The following VSNL1 variants were observed in gnomAD, a reference collection of about 807,000 sequenced individuals.
The protein encoded by VSNL1 is visinin-like protein 1.
Under a neutral mutation model 20.4 loss-of-function variants are expected in VSNL1, and 6 were observed. The ratio of observed to expected loss-of-function variants is 0.29; its 90% CI spans 0.16 to 0.58. The LOEUF (loss-of-function observed/expected upper bound fraction) is 0.58, where lower values mean the gene tolerates loss of function less well. VSNL1 is among the 20% of genes least tolerant of loss of function. VSNL1 has a pLI of 0.90. For synonymous variants in VSNL1, 93 were observed against 86.4 expected (o/e 1.08, Z -0.42); for missense variants, 100 against 234.5 (o/e 0.43, Z 3.75).
intron 1 of VSNL1, among the ~76,000 whole-genome samples, chr2:17,546,673 GT>G (rs1180280998): frequency 2.0e-5 from 3 of 151,894 alleles, no homozygotes; most frequent in Non-Finnish European, 2.9e-5. Context: ...AAAATGTCCC[GT>G]TGGAGACCCA....
chr2:17,628,863 A>G (rs1238869398), intron 2 of VSNL1, among the ~76,000 whole-genome samples: 1 of 152,230 alleles, frequency 6.6e-6, no homozygotes, highest in Non-Finnish European at 1.5e-5. Flanking sequence ...TAGTTGCTGA[A>G]GAGCACAGCT....
At chr2:17,641,550 C>A (rs1052719830) in intron 2 of VSNL1, among the ~76,000 whole-genome samples, 2 of 152,170 alleles carry the variant, frequency 1.3e-5, no homozygotes, top group African/African-American at 2.4e-5. Flanking sequence ...TAATCCCCTA[C>A]CCAAAATCAA....
At chr2:17,566,324 A>G (rs62131527) in intron 1 of VSNL1, among the ~76,000 whole-genome samples, 5,028 of 152,222 alleles carry the variant, frequency 0.033, 90 homozygotes, top group East Asian at 0.098. Flanking sequence ...ATACTGCCAA[A>G]TTGTTCTCTA....
At chr2:17,608,191 G>A (rs999781814) in intron 2 of VSNL1, among the ~76,000 whole-genome samples, 1 of 152,220 alleles carries the variant, frequency 6.6e-6, no homozygotes, top group Admixed American at 6.5e-5. Context: ...TTTTCTTTTA[G>A]AAGAAATGCA....
chr2:17,598,700 G>A (rs527694795), intron 2 of VSNL1, among the ~76,000 whole-genome samples: 2 of 152,224 alleles, frequency 1.3e-5, no homozygotes, highest in South Asian at 4.2e-4. Flanking sequence ...GATTCATTGA[G>A]GATTCTGTAG....
intron 2 of VSNL1, among the ~76,000 whole-genome samples, chr2:17,631,475 C>G (rs1257052122): frequency 1.3e-5 from 2 of 152,138 alleles, no homozygotes; most frequent in Non-Finnish European, 2.9e-5. Context: ...GTAAAGGGTG[C>G]ATCACACATT....
chr2:17,615,011 G>C (rs1665182810), intron 2 of VSNL1, among the ~76,000 whole-genome samples: 1 of 152,132 alleles, frequency 6.6e-6, no homozygotes, highest in Non-Finnish European at 1.5e-5. Context: ...ACAGTTTTGG[G>C]CCAGTTTCTA....
intron 1 of VSNL1, among the ~76,000 whole-genome samples, chr2:17,573,200 AT>A (rs925615300): frequency 1.2e-4 from 18 of 152,322 alleles, no homozygotes; most frequent in African/African-American, 4.3e-4. Flanking sequence ...GAAAATGCAA[AT>A]TTACTCATGT....
chr2:17,646,486 G>A (rs1443281936), intron 2 of VSNL1, among the ~76,000 whole-genome samples: 1 of 152,210 alleles, frequency 6.6e-6, no homozygotes, highest in Non-Finnish European at 1.5e-5. Flanking sequence ...AAATGCCTTT[G>A]ACCTTTCTAG....
At position 17,620,976 on chromosome 2, in the gene VSNL1, T is replaced by C. The variant is rs202180772; in HGVS notation, c.163-28434T>C. ...ATAAAACCTTAAGAGAATATTTGTG[T>C]AATCAAATGCTGATGAGTAGAATAA... is the stretch of plus-strand genomic sequence containing the variant. On this transcript the variant is annotated intron_variant, in intron 2 of 3. Transcript: ENST00000295156. Among the ~76,000 whole-genome samples the C allele has an allele frequency of 1.1e-3, 170 of 152,364 alleles. 1 individual carries two copies. Among genetic ancestry groups the C allele is most frequent in the East Asian group, 8.9e-3 (46 of 5,196 alleles).
intron 1 of VSNL1, among the ~76,000 whole-genome samples, chr2:17,575,564 C>T (rs141920519): frequency 0.033 from 5,012 of 150,972 alleles, 89 homozygotes; most frequent in East Asian, 0.098. Context: ...GAGATGGAGT[C>T]TCACACTGTC....
At chr2:17,626,214 C>A (rs1183362582) in intron 2 of VSNL1, among the ~76,000 whole-genome samples, 1 of 152,230 alleles carries the variant, frequency 6.6e-6, no homozygotes, top group African/African-American at 2.4e-5. Context: ...GGTGCCCTTG[C>A]AGCACTATCA....
At chr2:17,555,616 A>T (rs538594064) in intron 1 of VSNL1, among the ~76,000 whole-genome samples, 7 of 152,272 alleles carry the variant, frequency 4.6e-5, no homozygotes, top group Non-Finnish European at 7.4e-5. Context: ...GTCCTCAGGG[A>T]ACATTGTTAG....
intron 1 of VSNL1, among the ~76,000 whole-genome samples, chr2:17,587,626 G>A (rs1664507198): frequency 6.6e-6 from 1 of 152,132 alleles, no homozygotes; most frequent in Non-Finnish European, 1.5e-5. Context: ...CCAGTTGGGA[G>A]GTAGTTGCAG....
intron 2 of VSNL1, among the ~76,000 whole-genome samples, chr2:17,593,032 T>C (rs1375338667): frequency 6.6e-6 from 1 of 152,182 alleles, no homozygotes; most frequent in Non-Finnish European, 1.5e-5. Context: ...AAATACCAAA[T>C]AGAAAAATAT....
intron 1 of VSNL1, among the ~76,000 whole-genome samples, chr2:17,577,430 C>T (rs1297824196): frequency 6.6e-6 from 1 of 152,066 alleles, no homozygotes; most frequent in East Asian, 1.9e-4. Flanking sequence ...CTCTATTTCC[C>T]CCTTGTTCTG....
At chr2:17,568,592 C>T (rs16983635) in intron 1 of VSNL1, among the ~76,000 whole-genome samples, 5,024 of 152,272 alleles carry the variant, frequency 0.033, 89 homozygotes, top group East Asian at 0.098. Context: ...CATGTCATTG[C>T]ATCCTAGTAT....
intron 2 of VSNL1, among the ~76,000 whole-genome samples, chr2:17,608,988 A>G (rs1265207259): frequency 2.0e-5 from 3 of 152,168 alleles, no homozygotes; most frequent in Non-Finnish European, 4.4e-5. Context: ...TTCTACATAC[A>G]TACATACACA....
Position 17,655,309 on chromosome 2 carries a change from A to C in VSNL1, c.491A>C (p.Asp164Ala). Residue 164 changes from aspartate to alanine, a missense_variant, in exon 4 of 4, where the codon GAC (aspartate) becomes GCC (alanine). Physicochemically the swap from Asp to Ala is moderately radical, Grantham distance 126. Transcript: ENST00000295156. This position sits in a 1 kb window ranked among gnomAD's most constrained non-coding sequence, Gnocchi z 5.2. ...AGCAAGATGGATAAGAACAAAGATGACCAGATTACACTGGATGAATTCAAA... is the reference window on the plus strand; with the variant it reads ...AGCAAGATGGATAAGAACAAAGATGCCCAGATTACACTGGATGAATTCAAA... ...IFSKMDKNKD[D>A]QITLDEFKEA... 6.2e-7 allele frequency: 1 copy of C among 1,614,126 alleles called. No individual in the cohort carries two copies.
Sources: allele counts gnomAD v4.1 joint callset (sites outside exome capture counted in the v4.1 genomes callset), GRCh38; gene constraint gnomAD v4.1.1; non-coding constraint Gnocchi (gnomAD v3.1); transcripts MANE v1.5; gene names NCBI Gene and HGNC (gene_info 2026-07-23, HGNC 2026-07-21).